CELA3A: variants seen among roughly 807,000 people sequenced by gnomAD.
The protein encoded by CELA3A is chymotrypsin-like elastase family member 3A.
CELA3A carries 35 observed loss-of-function variants against 38.6 expected under a neutral mutation model. The ratio of observed to expected loss-of-function variants is 0.91; its 90% CI spans 0.69 to 1.20. The LOEUF (loss-of-function observed/expected upper bound fraction) is 1.20. CELA3A is among the 50% of genes most tolerant of loss of function. The pLI is 0.00. For synonymous variants in CELA3A, 143 were observed against 136.7 expected (o/e 1.05, Z -0.32); for missense variants, 343 against 354.2 (o/e 0.97, Z 0.25).
In CELA3A at chr1:22,009,785, CT is replaced by C. The variant is rs1644972736; in HGVS notation, c.726del (p.Phe242LeufsTer26). 4.3e-6 allele frequency: 7 copies of C among 1,612,080 alleles called. No individual in the cohort carries two copies. The highest frequency in any genetic ancestry group is 5.9e-6 in the Non-Finnish European group (7 of 1,179,320). ...ACGGTGTGACCAGCTTTGTTTCTGC[CT>C]TTGGCTGCAACTTCATCTGGAAGCC... Reference protein sequence around the residue: ...VHGVTSFVSAFGCNFIWKPTV... With the variant: ...VHGVTSFVSAXGCNFIWKPTV... On this transcript the variant is annotated frameshift_variant, in exon 7 of 8. Transcript: ENST00000290122. LOFTEE classifies it high-confidence loss of function.
chr1:22,009,402 G>A lies in CELA3A; in HGVS notation c.643-303G>A, dbSNP rs530197663. On this transcript the variant is annotated intron_variant, in intron 6 of 7. Coordinates refer to ENST00000290122, the MANE Select transcript of CELA3A (RefSeq NM_005747.5). ...ATAAATAAATAAACAAAAATTAGCC[G>A]GGTGTGGTGGCAGGTGCCTGTAATC... Among the ~76,000 whole-genome samples the A allele has an allele frequency of 4.0e-5, 6 of 150,928 alleles. No individual in the cohort carries two copies. The South Asian group carries it at 6.3e-4, about 16-fold the overall frequency.
In CELA3A at chr1:22,009,868, C is replaced by G; in HGVS notation, c.795+11C>G. ...GACTGGATTGAGGAGGTGAGGAGGG[C>G]AGGGCGGCCCGGAGGGCTTTAGGGT... On this transcript the variant is annotated intron_variant, in intron 7 of 7. Coordinates refer to ENST00000290122, the MANE Select transcript of CELA3A (RefSeq NM_005747.5). The G allele has an allele frequency of 6.2e-7, 1 of 1,609,868 alleles. No homozygotes were observed.
At chr1:22,009,615 G>T in intron 6 of CELA3A, 90 bp from the exon 7 acceptor site, 1 of 1,505,780 alleles carries the variant, frequency 6.6e-7, no homozygotes, top group Non-Finnish European at 9.0e-7. Flanking sequence ...GTCAAGTAAT[G>T]TCAGAGTTTC....
Position 22,006,888 on chromosome 1 carries a change from G to C in CELA3A, c.373G>C (p.Ala125Pro). Residue 125 changes from alanine to proline, a missense_variant, in exon 5 of 8, where the codon GCC becomes CCC. Ala to Pro is a conservative substitution (Grantham distance 27). Coordinates refer to ENST00000290122, the MANE Select transcript of CELA3A (RefSeq NM_005747.5). Reference protein sequence around the residue: ...RSCVACGNDIALIKLSRSAQL... With the variant: ...RSCVACGNDIPLIKLSRSAQL... Reference sequence around the variant, plus strand: ...TTCCCTCCTCCCCAGCAATGACATCGCCCTCATCAAGCTCTCACGCAGCGC... The same window carrying C: ...TTCCCTCCTCCCCAGCAATGACATCCCCCTCATCAAGCTCTCACGCAGCGC... 6.2e-7 allele frequency: 1 copy of C among 1,612,084 alleles called. No individual in the cohort carries two copies. Among genetic ancestry groups the C allele is most frequent in the Non-Finnish European group, 8.5e-7 (1 of 1,179,314 alleles).
chr1:22,009,483 C>T (rs867660515), intron 6 of CELA3A, among the ~76,000 whole-genome samples: 1 of 151,382 alleles, frequency 6.6e-6, no homozygotes, highest in Non-Finnish European at 1.5e-5. Context: ...AGCCGGGAGA[C>T]GGAGGTTGCA....
Position 22,005,842 on chromosome 1 carries a change from C to T in CELA3A, c.362+46C>T, listed in dbSNP as rs374729023. On this transcript the variant is annotated intron_variant, in intron 4 of 7. Transcript: ENST00000290122. ...GGAACCCAGGGGCTCCTCTACTTGT[C>T]CCTCCATGACCCACAGCCAAGTCTG... is the stretch of plus-strand genomic sequence containing the variant. 3.4e-5 allele frequency: 55 copies of T among 1,606,574 alleles called. 4 individuals are homozygous for T. Among genetic ancestry groups the T allele is most frequent in the Non-Finnish European group, 4.6e-5 (54 of 1,176,110 alleles).
chr1:22,006,120 G>C (rs1330752056), intron 4 of CELA3A: 3 of 332,456 alleles, frequency 9.0e-6, no homozygotes, highest in Non-Finnish European at 1.7e-5. Flanking sequence ...CCCCATATCC[G>C]AGGGTTTCTC....
At chr1:22,004,606 T>C (rs1205858670) in intron 2 of CELA3A, among the ~76,000 whole-genome samples, 1 of 151,890 alleles carries the variant, frequency 6.6e-6, no homozygotes, top group East Asian at 1.9e-4. Context: ...CAGAAATGAA[T>C]GTGACTATTT....
chr1:22,007,373 C>T lies in CELA3A; in HGVS notation c.500C>T (p.Thr167Ile). 2 of 1,608,510 alleles carry T rather than the reference C, an allele frequency of 1.2e-6. No individual in the cohort carries two copies. Among genetic ancestry groups the T allele is most frequent in the Non-Finnish European group, 1.7e-6 (2 of 1,177,504 alleles). The change falls in exon 6 of 8, where the codon ACC becomes ATC. Residue 167 changes from threonine to isoleucine, a missense_variant and splice_region_variant. By Grantham distance (89) the Thr-to-Ile change is moderately conservative (BLOSUM62 -1). Coordinates refer to ENST00000290122, the MANE Select transcript of CELA3A (RefSeq NM_005747.5). Reference sequence around the variant, plus strand: ...GACTCGGTGCTTTTTATCCTTGCAGCCAATGGGCCACTCCCAGACAAGCTG... The same window carrying T: ...GACTCGGTGCTTTTTATCCTTGCAGTCAATGGGCCACTCCCAGACAAGCTG... ...CYITGWGRLY[T>I]NGPLPDKLQQ... is the part of the protein sequence containing the mutation.
At position 22,001,699 on chromosome 1, in the gene CELA3A, C is replaced by T. The variant is rs752349616; in HGVS notation, c.25C>T (p.Leu9Phe). 1.9e-6 allele frequency: 3 copies of T among 1,612,072 alleles called. No individual in the cohort carries two copies. The highest frequency in any genetic ancestry group is 1.4e-5 in the African/African-American group (1 of 73,998). MMLRLLSSLLLVAVASGYG... is the reference protein window; with the variant it reads MMLRLLSSFLLVAVASGYG... ...CATGATGCTCCGGCTGCTCAGTTCC[C>T]TCCTCCTTGTGGCCGTTGGTAAGAC... The change falls in exon 1 of 8, where the codon CTC becomes TTC. Residue 9 changes from leucine (L) to phenylalanine (F), a missense_variant. Physicochemically the swap from Leu to Phe is conservative, Grantham distance 22 (BLOSUM62 0). Transcript: ENST00000290122.
At chr1:22,010,317 CA>C (rs11412547) in intron 7 of CELA3A, 31 of 332,604 alleles carry the variant, frequency 9.3e-5, no homozygotes, top group South Asian at 1.2e-4. Context: ...AGCTAAACAA[CA>C]AAAAAAAAGA....
At position 22,007,034 on chromosome 1, in the gene CELA3A, G is replaced by C. The variant is rs1644955109; in HGVS notation, c.499+20G>C. The C allele has an allele frequency of 1.2e-6, 2 of 1,610,222 alleles. No individual in the cohort carries two copies. The highest frequency in any genetic ancestry group is 1.7e-5 in the Admixed American group (1 of 59,796). On this transcript the variant is annotated intron_variant, in intron 5 of 7. Coordinates refer to ENST00000290122, the MANE Select transcript of CELA3A (RefSeq NM_005747.5). The stretch of plus-strand genomic sequence containing the variant: ...TCTATAGTACGTGCTGACTTCTCTA[G>C]CTGGCCACAGAGACAGTGGCAGAAA...
intron 2 of CELA3A, 64 bp from the exon 3 acceptor site, chr1:22,005,383 C>G: frequency 1.3e-5 from 21 of 1,583,002 alleles, no homozygotes; most frequent in South Asian, 6.6e-5. Context: ...ACCTATACAG[C>G]CATTGGTGGC....
chr1:22,010,011 G>A, intron 7 of CELA3A, 154 bp downstream of exon 7: 1 of 1,199,628 alleles, frequency 8.3e-7, no homozygotes, highest in Non-Finnish European at 1.1e-6. Context: ...GCTTGGGGAT[G>A]TTTTCTGATA....
At chr1:22,007,224 A>T in intron 5 of CELA3A, 149 bp from the exon 6 acceptor site, 1 of 1,290,176 alleles carries the variant, frequency 7.8e-7, no homozygotes, top group Non-Finnish European at 1.1e-6. Flanking sequence ...TAGGGATGTA[A>T]TGGTGCACAA....
chr1:22,006,463 G>T (rs111353443), intron 4 of CELA3A, among the ~76,000 whole-genome samples: 3,476 of 151,330 alleles, frequency 0.023, 112 homozygotes, highest in Non-Finnish European at 0.034. Context: ...GGAGGCGGAG[G>T]CTGCAGTGAG....
chr1:22,006,085 GCTCAGGGTTC>G lies in CELA3A; in HGVS notation c.362+293_362+302del. 9.6e-6 allele frequency: 4 copies of G among 415,714 alleles called. No individual in the cohort carries two copies. The Middle Eastern group carries it at 2.0e-3, about 204-fold the overall frequency. 25.8% of individuals were successfully genotyped at this position (415,714 alleles called of 1,614,324 possible). A position where few individuals can be genotyped will look rare whatever the true frequency, so the allele number is the denominator to read the frequency against. On this transcript the variant is annotated intron_variant, in intron 4 of 7. Coordinates refer to ENST00000290122, the MANE Select transcript of CELA3A (RefSeq NM_005747.5). The stretch of plus-strand genomic sequence containing the variant: ...AGGCCACTTGGCTAGTGGCTTCAGA[GCTCAGGGTTC>G]CTCTGGCATCCTTCCCCCATATCCG...
chr1:22,002,809 C>A (rs1315270994), intron 1 of CELA3A, among the ~76,000 whole-genome samples, 194 bp from the exon 2 acceptor site: 1 of 148,632 alleles, frequency 6.7e-6, no homozygotes, highest in Non-Finnish European at 1.5e-5. Context: ...TATCCCTGGA[C>A]TCCTGGGATT....
chr1:22,010,239 C>T (rs573983929), intron 7 of CELA3A: 2 of 376,674 alleles, frequency 5.3e-6, no homozygotes, highest in East Asian at 1.5e-4. Flanking sequence ...AGAGGGGAGT[C>T]CAGGCCCCAG....
Sources: gnomAD v4.1 joint callset for allele counts (sites outside exome capture counted in the v4.1 genomes callset) on GRCh38, gnomAD v4.1.1 for gene constraint, MANE v1.5 for transcripts, NCBI Gene and HGNC (gene_info 2026-07-23, HGNC 2026-07-21) for gene names.